CAMK1D: variants seen among roughly 807,000 people sequenced by gnomAD.
CAMK1D encodes calcium/calmodulin dependent protein kinase ID.
Under a neutral mutation model 47.7 loss-of-function variants are expected in CAMK1D, and 9 were observed. The observed-to-expected ratio is 0.19, with a 90% CI of 0.11 to 0.33. CAMK1D has a LOEUF of 0.33. CAMK1D is among the 10% of genes least tolerant of loss of function. The pLI is 1.00. For synonymous variants in CAMK1D, 184 were observed against 184.9 expected (o/e 0.99, Z 0.04); for missense variants, 291 against 488.7 (o/e 0.60, Z 3.81).
chr10:12,356,211 G>A (rs556696063), intron 1 of CAMK1D, among the ~76,000 whole-genome samples: 13 of 152,236 alleles, frequency 8.5e-5, no homozygotes, highest in African/African-American at 2.2e-4. Flanking sequence ...TCACCTGGCC[G>A]AATTCCGGAT....
chr10:12,484,333 G>A lies in CAMK1D; in HGVS notation c.93-68892G>A, dbSNP rs1337827558. On this transcript the variant is annotated intron_variant, in intron 1 of 10. Transcript: ENST00000619168. Reference sequence around the variant, plus strand: ...TTCACCTCCAGATACAGGAAAACGCGTGAACTCTGTGTTTGGAGGGAGGAG... The same window carrying A: ...TTCACCTCCAGATACAGGAAAACGCATGAACTCTGTGTTTGGAGGGAGGAG... 3.9e-5 allele frequency among the ~76,000 whole-genome samples: 6 copies of A among 152,332 alleles called. No homozygotes were observed. In the South Asian group the frequency reaches 6.2e-4, roughly 16 times the overall value.
At chr10:12,555,765 G>T (rs534390792) in intron 2 of CAMK1D, among the ~76,000 whole-genome samples, 20 of 152,334 alleles carry the variant, frequency 1.3e-4, no homozygotes, top group African/African-American at 4.6e-4. Flanking sequence ...ATGGATCGAG[G>T]GTGATGACTG....
At chr10:12,435,242 AAAAAG>A (rs1194159205) in intron 1 of CAMK1D, among the ~76,000 whole-genome samples, 5 of 151,298 alleles carry the variant, frequency 3.3e-5, no homozygotes, top group African/African-American at 9.7e-5. Context: ...AAAAAAAAAA[AAAAAG>A]AAAAGGTGAT....
At chr10:12,751,907 C>T (rs1452094466) in intron 3 of CAMK1D, among the ~76,000 whole-genome samples, 1 of 147,650 alleles carries the variant, frequency 6.8e-6, no homozygotes, top group Non-Finnish European at 1.5e-5. Context: ...TAAAGTTTTG[C>T]AAGGCTGAGC....
intron 3 of CAMK1D, among the ~76,000 whole-genome samples, chr10:12,684,360 G>A (rs555132446): frequency 6.6e-6 from 1 of 152,302 alleles, no homozygotes; most frequent in African/African-American, 2.4e-5. Context: ...TGTTGGGTCA[G>A]AGAAGGGGGT....
At chr10:12,458,187 G>C (rs955618488) in intron 1 of CAMK1D, among the ~76,000 whole-genome samples, 2 of 152,162 alleles carry the variant, frequency 1.3e-5, no homozygotes, top group African/African-American at 4.8e-5. Flanking sequence ...GTCTGCTGTT[G>C]CACATGCCGA....
At chr10:12,539,109 A>G (rs1564399363) in intron 1 of CAMK1D, among the ~76,000 whole-genome samples, 1 of 152,166 alleles carries the variant, frequency 6.6e-6, no homozygotes, top group South Asian at 2.1e-4. Flanking sequence ...CCAGTCCTCC[A>G]TTAATGGATA....
chr10:12,589,722 G>A (rs933215177), intron 2 of CAMK1D, among the ~76,000 whole-genome samples: 5 of 152,182 alleles, frequency 3.3e-5, no homozygotes, highest in Non-Finnish European at 7.3e-5. Context: ...GCAGGAATTA[G>A]TAATTTTCAG....
intron 2 of CAMK1D, among the ~76,000 whole-genome samples, chr10:12,659,390 A>G (rs997926801): frequency 3.3e-5 from 5 of 152,252 alleles, no homozygotes; most frequent in Non-Finnish European, 2.9e-5. Flanking sequence ...TTAAGTGATT[A>G]TAAACTGTGA....
chr10:12,785,299 C>A (rs1054974594), intron 5 of CAMK1D, among the ~76,000 whole-genome samples: 4 of 152,180 alleles, frequency 2.6e-5, no homozygotes, highest in Non-Finnish European at 2.9e-5. Flanking sequence ...AGGCCCTTTC[C>A]TGCTTTGTCT....
rs1049282802 is a variant in CAMK1D at position 12,641,509 on chromosome 10, T to G, written c.225-25227T>G. Among the ~76,000 whole-genome samples, 80 of 150,490 alleles carry G rather than the reference T, an allele frequency of 5.3e-4. 1 individual carries two copies. Among genetic ancestry groups the G allele is most frequent in the African/African-American group, 1.9e-3 (77 of 40,950 alleles). On this transcript the variant is annotated intron_variant, in intron 2 of 10. Coordinates refer to ENST00000619168, the MANE Select transcript of CAMK1D (RefSeq NM_153498.4). Reference sequence around the variant, plus strand: ...TGGTGGTGTGCACCTGTAGTCCTGGTTGGAAAGCTGAGGTGGGAGGATCAT... The same window carrying G: ...TGGTGGTGTGCACCTGTAGTCCTGGGTGGAAAGCTGAGGTGGGAGGATCAT...
intron 3 of CAMK1D, among the ~76,000 whole-genome samples, chr10:12,759,630 T>G (rs1271592669): frequency 6.6e-6 from 1 of 152,220 alleles, no homozygotes; most frequent in Non-Finnish European, 1.5e-5. Context: ...TGGAATTGCT[T>G]TTTTATTTCT....
intron 2 of CAMK1D, among the ~76,000 whole-genome samples, chr10:12,600,857 T>A (rs1181682057): frequency 3.9e-5 from 6 of 152,262 alleles, no homozygotes; most frequent in Non-Finnish European, 7.3e-5. Context: ...AGCTCCCACT[T>A]GTGGGTGAGA....
At chr10:12,546,798 C>T (rs371098453) in intron 1 of CAMK1D, among the ~76,000 whole-genome samples, 19 of 96,904 alleles carry the variant, frequency 2.0e-4, no homozygotes, top group South Asian at 1.1e-3. Flanking sequence ...CATCACACAC[C>T]GGGGACTGTT....
chr10:12,704,925 A>G (rs1424976315), intron 3 of CAMK1D, among the ~76,000 whole-genome samples: 1 of 152,202 alleles, frequency 6.6e-6, no homozygotes, highest in Non-Finnish European at 1.5e-5. Flanking sequence ...ATGAAATAAA[A>G]CCTGGTAAAT....
chr10:12,619,698 AC>A (rs927559942), intron 2 of CAMK1D, among the ~76,000 whole-genome samples: 13 of 152,130 alleles, frequency 8.5e-5, no homozygotes, highest in African/African-American at 3.1e-4. Flanking sequence ...GATCTCATGT[AC>A]CCTTTACCAA....
rs533488619 is a variant in CAMK1D, at chr10:12,502,278, G to T, written c.93-50947G>T. ...GCTGGGCAAGATGGGGCAGAGAAAG[G>T]CCAGTCCAACGGAAGGAGAACCCAG... On this transcript the variant is annotated intron_variant, in intron 1 of 10. Transcript: ENST00000619168. Among the ~76,000 whole-genome samples, 39 of 152,308 alleles carry T rather than the reference G, an allele frequency of 2.6e-4. No homozygotes were observed. In the South Asian group the frequency reaches 7.0e-3, roughly 27 times the overall value.
intron 3 of CAMK1D, among the ~76,000 whole-genome samples, chr10:12,746,381 T>TAAAAAAAAAAAAAAAA (rs1835682610): frequency 7.1e-6 from 1 of 141,302 alleles, no homozygotes; most frequent in African/African-American, 2.8e-5. Context: ...AAAAAAAAAG[T>TAAAAAAAAAAAAAAAA]TAGTGAATCT....
intron 3 of CAMK1D, among the ~76,000 whole-genome samples, chr10:12,718,719 A>G (rs1276766562): frequency 6.6e-6 from 1 of 152,204 alleles, no homozygotes; most frequent in East Asian, 1.9e-4. Context: ...GTTTTACCAC[A>G]TGCATCATGA....
Sources: gnomAD v4.1 joint callset for allele counts (sites outside exome capture counted in the v4.1 genomes callset) on GRCh38, gnomAD v4.1.1 for gene constraint, MANE v1.5 for transcripts, NCBI Gene and HGNC (gene_info 2026-07-23, HGNC 2026-07-21) for gene names.